The following PHF20 variants were observed in gnomAD, a reference collection of about 807,000 sequenced individuals.
PHF20 encodes glioma-expressed antigen 2.
A neutral mutation model predicts 113.5 loss-of-function variants in PHF20; 23 were observed. The ratio of observed to expected loss-of-function variants is 0.20; its 90% CI spans 0.15 to 0.29. PHF20 has a LOEUF of 0.29. Among genes scored for constraint, PHF20 ranks in the 10% least tolerant of loss-of-function variants. The pLI, the probability that PHF20 is intolerant of heterozygous loss-of-function variation, is 1.00. For synonymous variants in PHF20, 434 were observed against 457.3 expected, an observed-to-expected ratio of 0.95 and a Z score of 0.65; for missense variants, 943 against 1,219.6, an observed-to-expected ratio of 0.77 and a Z score of 3.38.
At chr20:35,873,300 C>T (rs979395122) in intron 9 of PHF20, among the ~76,000 whole-genome samples, 3 of 151,678 alleles carry the variant, frequency 2.0e-5, no homozygotes, top group Admixed American at 6.6e-5. Flanking sequence ...AGGGTCTCTC[C>T]GTGTTGACCA....
At chr20:35,836,706 A>C (rs2042446755) in intron 2 of PHF20, among the ~76,000 whole-genome samples, 1 of 151,816 alleles carries the variant, frequency 6.6e-6, no homozygotes, top group Admixed American at 6.6e-5. Flanking sequence ...TAGCCGGGCA[A>C]GGTGGCAGGT....
intron 5 of PHF20, among the ~76,000 whole-genome samples, chr20:35,860,465 G>T (rs145839824): frequency 0.1 from 15,204 of 151,876 alleles, 809 homozygotes; most frequent in South Asian, 0.16. Flanking sequence ...TGGTCTTGAA[G>T]TCCTGACCTC....
In PHF20 at chr20:35,931,388, T is replaced by C. The variant is rs762741229; in HGVS notation, c.2244T>C (p.Asp748=). 6.2e-7 allele frequency: 1 copy of C among 1,614,054 alleles called. No individual in the cohort carries two copies. The highest frequency in any genetic ancestry group is 8.5e-7 in the Non-Finnish European group (1 of 1,180,018). Residue 748 remains aspartate, a synonymous_variant, in exon 15 of 18, where the codon GAT becomes GAC. Transcript: ENST00000374012. ...TGGCCACCCACCAGCTTCTTGGTGA[T>C]GTGCAGAGAGTGATTGAGGTTCTGC... The part of the protein sequence containing the change: ...KIVATHQLLG[D]VQRVIEVLHG...
chr20:35,941,285 G>A (rs975301291), intron 17 of PHF20, among the ~76,000 whole-genome samples: 1 of 152,212 alleles, frequency 6.6e-6, no homozygotes, highest in African/African-American at 2.4e-5. Context: ...GATCCCTTCT[G>A]TAAAGTTGAG....
chr20:35,843,986 A>G (rs1299129668), intron 3 of PHF20, among the ~76,000 whole-genome samples: 1 of 152,166 alleles, frequency 6.6e-6, no homozygotes, highest in Non-Finnish European at 1.5e-5. Context: ...AGTATGAAGT[A>G]TTAGTTTTAA....
chr20:35,854,121 A>G (rs1183638649), intron 4 of PHF20, among the ~76,000 whole-genome samples: 13 of 152,206 alleles, frequency 8.5e-5, no homozygotes, highest in Admixed American at 8.5e-4. Context: ...TTCATGAGCA[A>G]CAGAAATCTG....
intron 2 of PHF20, among the ~76,000 whole-genome samples, chr20:35,831,004 C>T (rs1048626010): frequency 6.6e-6 from 1 of 152,020 alleles, no homozygotes; most frequent in African/African-American, 2.4e-5. Flanking sequence ...TAAAATCTAC[C>T]TTTTGAAGGA....
intron 1 of PHF20, among the ~76,000 whole-genome samples, chr20:35,779,971 C>T (rs1016877350): frequency 6.6e-6 from 1 of 152,110 alleles, no homozygotes; most frequent in East Asian, 1.9e-4. Flanking sequence ...TTACATCTGA[C>T]CTATTATCCT....
At chr20:35,932,516 T>C (rs6060694) in intron 15 of PHF20, among the ~76,000 whole-genome samples, 38,021 of 148,006 alleles carry the variant, frequency 0.26, 5,843 homozygotes, top group African/African-American at 0.44. Context: ...CTGCAACTTC[T>C]GCCTCCCAGA....
chr20:35,885,507 T>TTTTAA (rs2054712951), intron 9 of PHF20, among the ~76,000 whole-genome samples: 1 of 140,512 alleles, frequency 7.1e-6, no homozygotes. Flanking sequence ...TTTTACTTTT[T>TTTTAA]AAAAATGAGA....
intron 1 of PHF20, among the ~76,000 whole-genome samples, chr20:35,776,167 T>C (rs1231968576): frequency 1.3e-5 from 2 of 152,216 alleles, no homozygotes; most frequent in Admixed American, 1.3e-4. Context: ...ATTATTGATA[T>C]AGAATCATTC....
At chr20:35,919,461 C>G (rs1213622407) in intron 13 of PHF20, among the ~76,000 whole-genome samples, 1 of 151,544 alleles carries the variant, frequency 6.6e-6, no homozygotes, top group South Asian at 2.1e-4. Flanking sequence ...TGCCTCAGCC[C>G]CCTGAGTAGC....
intron 2 of PHF20, among the ~76,000 whole-genome samples, chr20:35,820,463 T>G (rs6142448): frequency 6.6e-6 from 1 of 151,160 alleles, no homozygotes; most frequent in African/African-American, 2.4e-5. Flanking sequence ...TTTTTTTTTT[T>G]TGTGAGATGG....
intron 15 of PHF20, among the ~76,000 whole-genome samples, chr20:35,935,821 A>C (rs2055854174): frequency 6.6e-6 from 1 of 152,208 alleles, no homozygotes; most frequent in Non-Finnish European, 1.5e-5. Context: ...GGAAAGGGGA[A>C]GGTGGCCCCA....
intron 6 of PHF20, among the ~76,000 whole-genome samples, chr20:35,865,385 C>T (rs1432648081): frequency 6.6e-6 from 1 of 151,276 alleles, no homozygotes; most frequent in African/African-American, 2.4e-5. Context: ...CTTGTAGTCC[C>T]AGCGATTCCA....
chr20:35,886,085 CATT>C (rs1162404640), intron 9 of PHF20, among the ~76,000 whole-genome samples: 1 of 150,750 alleles, frequency 6.6e-6, no homozygotes, highest in African/African-American at 2.4e-5. Flanking sequence ...CTGTTTCTAT[CATT>C]ATTTATTTTA....
chr20:35,859,648 G>C (rs2054180404), intron 5 of PHF20, among the ~76,000 whole-genome samples: 1 of 151,896 alleles, frequency 6.6e-6, no homozygotes, highest in Non-Finnish European at 1.5e-5. Context: ...CCCAGTTCAA[G>C]TGATTCTCCT....
chr20:35,893,680 T>C (rs1034993311), intron 9 of PHF20, among the ~76,000 whole-genome samples: 1 of 152,060 alleles, frequency 6.6e-6, no homozygotes, highest in African/African-American at 2.4e-5. Context: ...AATGGTGTGA[T>C]CGCAGCTCAT....
rs554721935 is a variant in PHF20 at position 35,825,278 on chromosome 20, C to T, written c.84-17295C>T. 4.6e-4 allele frequency among the ~76,000 whole-genome samples: 70 copies of T among 152,140 alleles called. No individual in the cohort carries two copies. In the South Asian group the frequency reaches 7.3e-3, roughly 16 times the overall value. Reference sequence around the variant, plus strand: ...CTCAAGTGATTGTCCTGCCTCAGGCCTCCTGGGTAGTTGGGACTGCAGGTG... The same window carrying T: ...CTCAAGTGATTGTCCTGCCTCAGGCTTCCTGGGTAGTTGGGACTGCAGGTG... On this transcript the variant is annotated intron_variant, in intron 2 of 17. Transcript: ENST00000374012.
Sources: allele counts gnomAD v4.1 joint callset (sites outside exome capture counted in the v4.1 genomes callset), GRCh38; gene constraint gnomAD v4.1.1; transcripts MANE v1.5; gene names NCBI Gene and HGNC (gene_info 2026-07-23, HGNC 2026-07-21).